Variants in POU2F2 observed in about 807,000 individuals in gnomAD.
The protein encoded by POU2F2 is POU domain, class 2, transcription factor 2.
A neutral mutation model predicts 63.5 loss-of-function variants in POU2F2; 14 were observed. That is an observed-to-expected ratio of 0.22 (90% CI 0.15 to 0.34). The LOEUF (loss-of-function observed/expected upper bound fraction) is 0.34. Among genes scored for constraint, POU2F2 ranks in the 10% least tolerant of loss-of-function variants. POU2F2 has a pLI of 1.00. For synonymous variants in POU2F2, 306 were observed against 348.6 expected (o/e 0.88, Z 1.36); for missense variants, 607 against 815.2 (o/e 0.74, Z 3.11).
chr19:42,145,406 C>T (rs1189796143), intron 2 of POU2F2, among the ~76,000 whole-genome samples: 3 of 152,218 alleles, frequency 2.0e-5, no homozygotes, highest in Non-Finnish European at 2.9e-5. Context: ...GCAGCATCCA[C>T]AGAGGGCCCT....
At chr19:42,098,492 C>G (rs1461366851) in intron 7 of POU2F2, among the ~76,000 whole-genome samples, 1 of 152,004 alleles carries the variant, frequency 6.6e-6, no homozygotes, top group Non-Finnish European at 1.5e-5. Flanking sequence ...CCCCCACCCC[C>G]ACTAGGGTCA....
chr19:42,187,200 A>C (rs908525777), intron 1 of POU2F2, among the ~76,000 whole-genome samples: 14 of 152,130 alleles, frequency 9.2e-5, no homozygotes, highest in African/African-American at 3.1e-4. Context: ...GCAGTGGTTC[A>C]CGCCTGTAAT....
intron 1 of POU2F2, among the ~76,000 whole-genome samples, chr19:42,194,085 A>G (rs989906633): frequency 6.6e-6 from 1 of 152,202 alleles, no homozygotes; most frequent in African/African-American, 2.4e-5. Flanking sequence ...CTGAGTGATG[A>G]AAAACTAGAA....
intron 7 of POU2F2, 151 bp downstream of exon 7, chr19:42,099,375 TG>T: frequency 2.9e-6 from 2 of 681,278 alleles, no homozygotes; most frequent in Non-Finnish European, 2.5e-6. Context: ...GACAGGGAGA[TG>T]GGCTTGCCTG....
At chr19:42,170,299 C>T (rs1158275336) in intron 1 of POU2F2, among the ~76,000 whole-genome samples, 3 of 151,888 alleles carry the variant, frequency 2.0e-5, no homozygotes, top group South Asian at 4.2e-4. Flanking sequence ...AGCCCACACC[C>T]GCCGACACCT....
intron 5 of POU2F2, among the ~76,000 whole-genome samples, chr19:42,101,016 T>G (rs1305389360): frequency 6.6e-5 from 10 of 151,918 alleles, no homozygotes; most frequent in Non-Finnish European, 1.2e-4. Flanking sequence ...GGAGAATCGC[T>G]TGAACCCGGA....
intron 2 of POU2F2, among the ~76,000 whole-genome samples, chr19:42,157,994 T>C (rs913088882): frequency 1.8e-4 from 27 of 152,062 alleles, no homozygotes; most frequent in Non-Finnish European, 2.5e-4. Flanking sequence ...CCTCCAGACA[T>C]GTTTGGGGCA....
At chr19:42,142,835 G>T (rs1338095607) in intron 2 of POU2F2, among the ~76,000 whole-genome samples, 2 of 149,312 alleles carry the variant, frequency 1.3e-5, no homozygotes, top group Non-Finnish European at 3.0e-5. Context: ...ACATGCTGGG[G>T]TTATAGTCAT....
intron 1 of POU2F2, among the ~76,000 whole-genome samples, chr19:42,188,748 G>A (rs1245837599): frequency 1.4e-5 from 2 of 138,924 alleles, no homozygotes; most frequent in East Asian, 4.6e-4. Flanking sequence ...AAGAAGGGAG[G>A]GAAGGAGGAA....
At chr19:42,098,876 C>T (rs1216886235) in intron 7 of POU2F2, among the ~76,000 whole-genome samples, 1 of 152,190 alleles carries the variant, frequency 6.6e-6, no homozygotes, top group Non-Finnish European at 1.5e-5. Flanking sequence ...GGTCCAGGTG[C>T]CAAGGTGGCC....
At chr19:42,195,324 CTTT>C (rs1173270813) in intron 1 of POU2F2, among the ~76,000 whole-genome samples, 1 of 141,348 alleles carries the variant, frequency 7.1e-6, no homozygotes, top group Non-Finnish European at 1.5e-5. Flanking sequence ...TTCCCTCCCT[CTTT>C]TTCTTTTTTT....
intron 5 of POU2F2, among the ~76,000 whole-genome samples, chr19:42,105,999 T>TTTTTTCTTTC (rs1555897060): frequency 7.6e-6 from 1 of 132,224 alleles, no homozygotes; most frequent in Non-Finnish European, 1.6e-5. Context: ...GATCTTTCTT[T>TTTTTTCTTTC]TTTCTTTCTT....
upstream of POU2F2, among the ~76,000 whole-genome samples, chr19:42,176,660 C>T (rs2034886685): frequency 6.7e-6 from 1 of 149,870 alleles, no homozygotes; most frequent in African/African-American, 2.4e-5. Flanking sequence ...ATCCCTGCCC[C>T]CCGCCCCCAC....
chr19:42,194,209 C>A (rs1335736498), intron 1 of POU2F2, among the ~76,000 whole-genome samples: 2 of 149,820 alleles, frequency 1.3e-5, no homozygotes, highest in Non-Finnish European at 3.0e-5. Flanking sequence ...ATAGTGAGAC[C>A]CCGTCTCTAC....
chr19:42,103,869 G>T (rs879364370), intron 5 of POU2F2, among the ~76,000 whole-genome samples: 1 of 151,474 alleles, frequency 6.6e-6, no homozygotes, highest in Non-Finnish European at 1.5e-5. Flanking sequence ...TCCTGACCTC[G>T]TGATCCGCCT....
At chr19:42,154,405 G>A (rs2034418886) in intron 2 of POU2F2, among the ~76,000 whole-genome samples, 1 of 152,154 alleles carries the variant, frequency 6.6e-6, no homozygotes, top group African/African-American at 2.4e-5. Flanking sequence ...GAGAAAAAGA[G>A]CAGAGGAAGG....
chr19:42,134,195 A>T (rs2033938665), upstream of POU2F2, among the ~76,000 whole-genome samples: 2 of 139,566 alleles, frequency 1.4e-5, no homozygotes, highest in Admixed American at 1.5e-4. Context: ...GGGGCTTGGA[A>T]ATGGGGCTAT....
chr19:42,155,181 C>G lies in POU2F2; in HGVS notation c.-9+5151G>C, dbSNP rs759050464. On this transcript the variant is annotated intron_variant, in intron 2 of 6. Coordinates refer to the POU2F2 transcript ENST00000524801. This position sits in a 1 kb window ranked among gnomAD's most constrained non-coding sequence, Gnocchi z 4.2. ...CTTTCTCATTGTCCCCTGCCTTCAG[C>G]CCGGCTGCCTTCATCTTTCTCTGAT... Among the ~76,000 whole-genome samples, 1 of 152,244 alleles carries G rather than the reference C, an allele frequency of 6.6e-6. No individual in the cohort carries two copies. Among genetic ancestry groups the G allele is most frequent in the African/African-American group, 2.4e-5 (1 of 41,456 alleles).
At chr19:42,168,342 C>T (rs1416195301) in intron 1 of POU2F2, among the ~76,000 whole-genome samples, 2 of 152,178 alleles carry the variant, frequency 1.3e-5, no homozygotes, top group African/African-American at 4.8e-5. Flanking sequence ...TTATGTGGTG[C>T]GCCCTGAATA....
Sources: allele counts gnomAD v4.1 joint callset (sites outside exome capture counted in the v4.1 genomes callset), GRCh38; gene constraint gnomAD v4.1.1; non-coding constraint Gnocchi (gnomAD v3.1); transcripts MANE v1.5; gene names NCBI Gene and HGNC (gene_info 2026-07-23, HGNC 2026-07-21).